Variants in ITPK1 observed in about 807,000 individuals in gnomAD.
ITPK1 encodes the protein inositol 1,3,4-trisphosphate 5/6-kinase.
Under a neutral mutation model 45.3 loss-of-function variants are expected in ITPK1, and 21 were observed. The observed-to-expected ratio is 0.46, with a 90% CI of 0.33 to 0.67. ITPK1 has a LOEUF of 0.67. ITPK1 is among the 30% of genes least tolerant of loss of function. The pLI is 0.02. For synonymous variants in ITPK1, 258 were observed against 253.6 expected (o/e 1.02, Z -0.16); for missense variants, 474 against 573.5 (o/e 0.83, Z 1.77).
rs775368936 is a variant in ITPK1, at chr14:92,958,324, G to C, written c.547C>G (p.Pro183Ala). The C allele has an allele frequency of 6.2e-7, 1 of 1,614,196 alleles. No homozygotes were observed. The highest frequency in any genetic ancestry group is 8.5e-7 in the Non-Finnish European group (1 of 1,180,018). The change falls in exon 8 of 11, where the codon CCA (proline) becomes GCA (alanine). Residue 183 changes from proline to alanine, a missense_variant. Physicochemically the swap from Pro to Ala is conservative, Grantham distance 27 (BLOSUM62 -1). This residue lies in a region of ITPK1 where 367 missense variants were observed against 480.6 expected (regional missense o/e 0.76). Transcript: ENST00000267615. The surrounding 1 kb of genome is among the most constrained non-coding windows in gnomAD (Gnocchi z 4.4). ...ATGAAATTCTGGACCACGCAGGGTG[G>C]CTGGATGGCGTTCAGGCCCTCCTGG... Reference protein sequence around the residue: ...FNQEGLNAIQPPCVVQNFINH... With the variant: ...FNQEGLNAIQAPCVVQNFINH...
chr14:93,029,691 C>G (rs1223728236), intron 3 of ITPK1, among the ~76,000 whole-genome samples: 1 of 152,170 alleles, frequency 6.6e-6, no homozygotes, highest in East Asian at 1.9e-4. Flanking sequence ...GAGCCACCAC[C>G]CTTGGTCACT....
intron 3 of ITPK1, among the ~76,000 whole-genome samples, chr14:93,052,384 G>A (rs1381245970): frequency 1.3e-5 from 2 of 152,116 alleles, no homozygotes; most frequent in Admixed American, 6.5e-5. Flanking sequence ...TACAACAGAC[G>A]CCAGGCATCT....
At chr14:93,057,407 T>A (rs116503365) in intron 3 of ITPK1, among the ~76,000 whole-genome samples, 181 of 152,266 alleles carry the variant, frequency 1.2e-3, no homozygotes, top group African/African-American at 4.2e-3. Flanking sequence ...CACTCACACA[T>A]TCACTCACTC....
chr14:93,098,654 T>C (rs924937779), intron 2 of ITPK1, among the ~76,000 whole-genome samples: 9 of 152,100 alleles, frequency 5.9e-5, no homozygotes, highest in Non-Finnish European at 1.2e-4. Flanking sequence ...GAGACCATGG[T>C]GCAGGGCCGC....
chr14:93,046,351 C>A (rs1029266354), intron 3 of ITPK1, among the ~76,000 whole-genome samples: 1 of 152,200 alleles, frequency 6.6e-6, no homozygotes, highest in South Asian at 2.1e-4. Context: ...CGGGGCCCCA[C>A]GGTGGGGACA....
chr14:92,998,530 G>A (rs1365594965), intron 4 of ITPK1, among the ~76,000 whole-genome samples: 3 of 152,232 alleles, frequency 2.0e-5, no homozygotes, highest in East Asian at 1.9e-4. Context: ...AAAACAATCC[G>A]GGTTGGGGGC....
At chr14:93,054,404 G>A (rs1397610978) in intron 3 of ITPK1, among the ~76,000 whole-genome samples, 2 of 152,178 alleles carry the variant, frequency 1.3e-5, no homozygotes, top group African/African-American at 2.4e-5. Context: ...TGGCTTGGAG[G>A]TTAGACTTAA....
chr14:93,007,775 G>A (rs1425035679), intron 4 of ITPK1, among the ~76,000 whole-genome samples: 1 of 152,182 alleles, frequency 6.6e-6, no homozygotes, highest in East Asian at 1.9e-4. Context: ...CAGTGGCTGC[G>A]GGCATGCTCA....
At chr14:93,115,032 G>A in intron 2 of ITPK1, 37 bp downstream of exon 2, 2 of 1,370,384 alleles carry the variant, frequency 1.5e-6, no homozygotes, top group Non-Finnish European at 2.0e-6. Context: ...GGCTCGGGCC[G>A]GGGGTCCCCG....
At chr14:93,061,935 TA>T (rs1380137291) in intron 3 of ITPK1, among the ~76,000 whole-genome samples, 1 of 152,240 alleles carries the variant, frequency 6.6e-6, no homozygotes, top group Non-Finnish European at 1.5e-5. Flanking sequence ...AAGAGAATGC[TA>T]AGTGTGTTTG....
rs779837852 is a variant in ITPK1 at position 93,076,664 on chromosome 14, G to A, written c.96-45C>T. On this transcript the variant is annotated intron_variant, in intron 2 of 10. Coordinates refer to ENST00000267615, the MANE Select transcript of ITPK1 (RefSeq NM_014216.6). This position sits in a 1 kb window ranked among gnomAD's most constrained non-coding sequence, Gnocchi z 4.3. ...AAACAAGCGTTACTCCAGCAGGCTG[G>A]ACACGTCCTTTCCGAAGGTTCCCGA... 1.4e-5 allele frequency: 22 copies of A among 1,613,756 alleles called. No homozygotes were observed. The South Asian group carries it at 1.5e-4, about 11-fold the overall frequency.
At chr14:93,027,745 G>A (rs1420835978) in intron 3 of ITPK1, among the ~76,000 whole-genome samples, 1 of 152,188 alleles carries the variant, frequency 6.6e-6, no homozygotes, top group Non-Finnish European at 1.5e-5. Context: ...GATTTCTGCT[G>A]CTGTCCAACT....
Position 93,081,848 on chromosome 14 carries a change from C to T in ITPK1, c.96-5229G>A, listed in dbSNP as rs191555115. Among the ~76,000 whole-genome samples, 884 of 152,294 alleles carry T rather than the reference C, an allele frequency of 5.8e-3. 5 individuals are homozygous for T. Among genetic ancestry groups the T allele is most frequent in the Middle Eastern group, 0.024 (7 of 294 alleles). ...CGCCTCAGAGGCCCAGGATGTCACCCTGTGGCCCAGCCTTTACCTATGGGC... is the reference window on the plus strand; with the variant it reads ...CGCCTCAGAGGCCCAGGATGTCACCTTGTGGCCCAGCCTTTACCTATGGGC... On this transcript the variant is annotated intron_variant, in intron 2 of 10. Transcript: ENST00000267615.
intron 3 of ITPK1, among the ~76,000 whole-genome samples, chr14:93,062,666 G>A (rs1890578633): frequency 6.6e-6 from 1 of 152,142 alleles, no homozygotes; most frequent in Admixed American, 6.5e-5. Context: ...CAGGACAGAG[G>A]TCAGGCACTA....
intron 3 of ITPK1, among the ~76,000 whole-genome samples, chr14:93,047,051 C>A (rs960471695): frequency 6.6e-6 from 1 of 152,222 alleles, no homozygotes; most frequent in Non-Finnish European, 1.5e-5. Context: ...GGGGACCGAA[C>A]TGGGAGAGAA....
At chr14:92,956,211 C>A (rs1251992647) in intron 8 of ITPK1, among the ~76,000 whole-genome samples, 1 of 151,888 alleles carries the variant, frequency 6.6e-6, no homozygotes, top group Non-Finnish European at 1.5e-5. Flanking sequence ...CCTTAAACTC[C>A]TGGGCCCAAG....
intron 2 of ITPK1, among the ~76,000 whole-genome samples, chr14:93,106,036 A>C (rs1482948635): frequency 6.6e-6 from 1 of 152,174 alleles, no homozygotes; most frequent in Non-Finnish European, 1.5e-5. Context: ...CAAGTTTGGC[A>C]AACAAGTAAC....
chr14:92,963,298 G>C (rs552227333), intron 5 of ITPK1, among the ~76,000 whole-genome samples: 1 of 152,080 alleles, frequency 6.6e-6, no homozygotes, highest in Non-Finnish European at 1.5e-5. Context: ...AATAATAATC[G>C]CAGTGACAAT....
intron 2 of ITPK1, among the ~76,000 whole-genome samples, chr14:93,103,113 AAAAAG>A (rs1265981230): frequency 8.5e-4 from 125 of 146,410 alleles, no homozygotes; most frequent in African/African-American, 3.0e-3. Context: ...AAAAAAAAAA[AAAAAG>A]AAAGAAAGAA....
Sources: gnomAD v4.1 joint callset for allele counts (sites outside exome capture counted in the v4.1 genomes callset) on GRCh38, gnomAD v4.1.1 for gene constraint, gnomAD v4.1.1 regional missense constraint, Gnocchi (gnomAD v3.1) non-coding constraint, MANE v1.5 for transcripts, NCBI Gene and HGNC (gene_info 2026-07-23, HGNC 2026-07-21) for gene names.